Variants in CYP4V2 observed in about 807,000 individuals in gnomAD.
CYP4V2 encodes the protein cytochrome P450 4V2.
In CYP4V2, 55 loss-of-function variants were observed where a neutral mutation model predicts 60.8. The observed-to-expected ratio is 0.90, with a 90% confidence interval of 0.73 to 1.13. The LOEUF is 1.13. Among genes scored for constraint, CYP4V2 ranks in the 50% most tolerant of loss-of-function variants. The pLI is 0.00. For synonymous variants in CYP4V2, 239 were observed against 236.8 expected, an observed-to-expected ratio of 1.01 and a Z score of -0.08; for missense variants, 675 against 662.9, an observed-to-expected ratio of 1.02 and a Z score of -0.20.
At chr4:186,209,062 G>T (rs186281413) in intron 9 of CYP4V2, 31 bp from the exon 10 acceptor site, 51 of 1,614,110 alleles carry the variant, frequency 3.2e-5, no homozygotes, top group Non-Finnish European at 4.1e-5. Flanking sequence ...CCTTGCTCCG[G>T]TCTCATAATG....
chr4:186,207,423 AAAG>A (rs1209578110), intron 8 of CYP4V2, among the ~76,000 whole-genome samples: 3 of 127,090 alleles, frequency 2.4e-5, no homozygotes, highest in African/African-American at 4.3e-5. Context: ...AAAAAAAAAA[AAAG>A]AAAGAAAGAA....
chr4:186,207,855 T>C (rs1429139385), intron 8 of CYP4V2, among the ~76,000 whole-genome samples: 5 of 152,222 alleles, frequency 3.3e-5, no homozygotes, highest in Admixed American at 2.6e-4. Flanking sequence ...TGGATTTACC[T>C]ATTCCGAGTA....
chr4:186,203,970 T>C (rs1276160932), intron 7 of CYP4V2: 1 of 152,204 alleles, frequency 6.6e-6, no homozygotes, highest in African/African-American at 2.4e-5. Context: ...AGGAAATAAT[T>C]TGTTTTTTCT....
rs534643986 is a variant in CYP4V2 at position 186,194,599 on chromosome 4, C to T, written c.314C>T (p.Ala105Val). Residue 105 changes from alanine to valine, a missense_variant, in exon 2 of 11, where the codon GCA (alanine) becomes GTA (valine). Ala to Val is a moderately conservative substitution (Grantham distance 64). Transcript: ENST00000378802. ...GPVPMVALYN[A>V]ENVEVILTSS... ...GTGCCCATGGTGGCCCTTTATAATG[C>T]AGAAAATGTGGAGGTGGGTACATGT... 1 of 1,613,856 alleles carries T rather than the reference C, an allele frequency of 6.2e-7. No homozygotes were observed. The highest frequency in any genetic ancestry group is 1.7e-5 in the Admixed American group (1 of 60,014).
chr4:186,203,175 AC>A (rs767625874), intron 7 of CYP4V2: 8 of 151,558 alleles, frequency 5.3e-5, no homozygotes, highest in Non-Finnish European at 1.0e-4. Context: ...TATGTGCACA[AC>A]CCCATACACA....
chr4:186,208,584 G>A (rs1736602896), intron 8 of CYP4V2, among the ~76,000 whole-genome samples: 1 of 151,554 alleles, frequency 6.6e-6, no homozygotes, highest in Non-Finnish European at 1.5e-5. Context: ...TCTTTGAAGG[G>A]TATTTGATGG....
intron 5 of CYP4V2, 59 bp from the exon 6 acceptor site, chr4:186,198,898 G>A (rs950160125): frequency 1.2e-6 from 2 of 1,611,990 alleles, no homozygotes; most frequent in Non-Finnish European, 1.7e-6. Context: ...TACTAAAGAA[G>A]TGCTCAAGAA....
intron 1 of CYP4V2, among the ~76,000 whole-genome samples, chr4:186,192,511 T>C (rs1736020994): frequency 6.6e-6 from 1 of 152,216 alleles, no homozygotes; most frequent in African/African-American, 2.4e-5. Flanking sequence ...TGACTGCTGC[T>C]TCAGTTCCCG....
In CYP4V2 at chr4:186,210,522, C is replaced by T. The variant is rs747710403; in HGVS notation, c.1459C>T (p.His487Tyr). 3 of 1,614,184 alleles carry T rather than the reference C, an allele frequency of 1.9e-6. No individual in the cohort carries two copies. The East Asian group carries it at 6.7e-5, about 36-fold the overall frequency. ...GACCATTCTTTCGTGCATCCTGAGG[C>T]ACTTTTGGATAGAATCCAACCAGAA... ...EKTILSCILR[H>Y]FWIESNQKRE... Residue 487 changes from histidine (H) to tyrosine (Y), a missense_variant, in exon 11 of 11, where the codon CAC (histidine) becomes TAC (tyrosine). Coordinates refer to ENST00000378802, the MANE Select transcript of CYP4V2 (RefSeq NM_207352.4).
intron 7 of CYP4V2, chr4:186,204,757 T>A (rs745793722): frequency 5.2e-5 from 13 of 248,860 alleles, no homozygotes; most frequent in Non-Finnish European, 9.6e-5. Context: ...TGTCAATTTT[T>A]ACTGCAGAGG....
Position 186,191,966 on chromosome 4 carries a change from G to A in CYP4V2, c.143G>A (p.Arg48Gln). The A allele has an allele frequency of 6.3e-7, 1 of 1,586,764 alleles. No individual in the cohort carries two copies. The highest frequency in any genetic ancestry group is 2.3e-5 in the East Asian group (1 of 43,518). Residue 48 changes from arginine (R) to glutamine (Q), a missense_variant, in exon 1 of 11, where the codon CGG becomes CAG. Coordinates refer to ENST00000378802, the MANE Select transcript of CYP4V2 (RefSeq NM_207352.4). ...TACGCGCGGAAATGGCAGCAGATGC[G>A]GCCCATCCCCACGGTGGCCCGCGCC... ...ASYARKWQQMRPIPTVARAYP... is the reference protein window; with the variant it reads ...ASYARKWQQMQPIPTVARAYP...
intron 7 of CYP4V2, 143 bp from the exon 8 acceptor site, chr4:186,205,057 A>G (rs1421440642): frequency 2.5e-6 from 2 of 804,078 alleles, no homozygotes; most frequent in Non-Finnish European, 4.2e-6. Flanking sequence ...CACCGAGGCA[A>G]GGTGCTGCAC....
chr4:186,194,520 G>A lies in CYP4V2; in HGVS notation c.235G>A (p.Glu79Lys), dbSNP rs781047997. 3 of 1,614,102 alleles carry A rather than the reference G, an allele frequency of 1.9e-6. No homozygotes were observed. The highest frequency in any genetic ancestry group is 2.5e-6 in the Non-Finnish European group (3 of 1,180,002). ...CCCAGAATTTTTTCAGCAGATCATT[G>A]AGTACACAGAGGAATACCGCCACAT... ...DGREFFQQII[E>K]YTEEYRHMPL... The change falls in exon 2 of 11, where the codon GAG (glutamate) becomes AAG (lysine). Residue 79 changes from glutamate to lysine, a missense_variant. Coordinates refer to ENST00000378802, the MANE Select transcript of CYP4V2 (RefSeq NM_207352.4).
rs983256423 is a variant in CYP4V2 at position 186,191,898 on chromosome 4, C to T, written c.75C>T (p.Ala25=). ...LWGAASALSL[A]GASLVLSLLQ... ...GCGCGGCGAGTGCCCTTTCCCTGGC[C>T]GGCGCCAGTCTGGTCCTGAGCCTGC... The change falls in exon 1 of 11, where the codon GCC becomes GCT. Residue 25 remains alanine (A), a synonymous_variant. Coordinates refer to ENST00000378802, the MANE Select transcript of CYP4V2 (RefSeq NM_207352.4). 76 of 1,591,598 alleles carry T rather than the reference C, an allele frequency of 4.8e-5. No homozygotes were observed. The highest frequency in any genetic ancestry group is 6.1e-5 in the Non-Finnish European group (72 of 1,173,044).
chr4:186,191,740 G>T lies in CYP4V2; in HGVS notation c.-84G>T. ...GCCAGGTCCGCGCGGGGAAGTGGGC[G>T]GTGTGCGGCCGGCACCGCCTCGCAC... On this transcript the variant is annotated 5_prime_UTR_variant, in exon 1 of 11. Coordinates refer to ENST00000378802, the MANE Select transcript of CYP4V2 (RefSeq NM_207352.4). The T allele has an allele frequency of 8.0e-7, 1 of 1,248,454 alleles. No homozygotes were observed. The highest frequency in any genetic ancestry group is 1.0e-6 in the Non-Finnish European group (1 of 977,278). 77.3% of individuals were successfully genotyped at this position (1,248,454 alleles called of 1,614,324 possible).
intron 8 of CYP4V2, among the ~76,000 whole-genome samples, chr4:186,206,549 T>C (rs545243563): frequency 3.9e-5 from 6 of 152,118 alleles, no homozygotes; most frequent in Non-Finnish European, 8.8e-5. Context: ...TCTGATGCAG[T>C]TTTACAGTGA....
rs758103859 is a variant in CYP4V2, at chr4:186,195,986, GT to G, written c.328-12del. On this transcript the variant is annotated splice_polypyrimidine_tract_variant and intron_variant, in intron 2 of 10. Coordinates refer to ENST00000378802, the MANE Select transcript of CYP4V2 (RefSeq NM_207352.4). The surrounding 1 kb of genome is among the most constrained non-coding windows in gnomAD (Gnocchi z 4.1). Reference sequence around the variant, plus strand: ...TGATGTCTGTATGTCTCTAAAGTATGTTTTTCTCTTCCTAAGGTAATTTTAA... The same window carrying G: ...TGATGTCTGTATGTCTCTAAAGTATGTTTTCTCTTCCTAAGGTAATTTTAA... 2 of 1,573,838 alleles carry G rather than the reference GT, an allele frequency of 1.3e-6. No homozygotes were observed. The highest frequency in any genetic ancestry group is 1.4e-5 in the African/African-American group (1 of 74,016).
chr4:186,204,981 C>T (rs72646280), intron 7 of CYP4V2: 4 of 606,674 alleles, frequency 6.6e-6, no homozygotes, highest in Admixed American at 4.9e-5. Context: ...CGTGCAACAC[C>T]GTGCGGCGTG....
chr4:186,191,905 A>G lies in CYP4V2; in HGVS notation c.82A>G (p.Ser28Gly), dbSNP rs755702568. 1.3e-5 allele frequency: 21 copies of G among 1,593,082 alleles called. No homozygotes were observed. The East Asian group carries it at 2.0e-4, about 16-fold the overall frequency. ...GAGTGCCCTTTCCCTGGCCGGCGCCAGTCTGGTCCTGAGCCTGCTGCAGAG... is the reference window on the plus strand; with the variant it reads ...GAGTGCCCTTTCCCTGGCCGGCGCCGGTCTGGTCCTGAGCCTGCTGCAGAG... The part of the protein sequence containing the change: ...AASALSLAGA[S>G]LVLSLLQRVA... Residue 28 changes from serine (S) to glycine (G), a missense_variant, in exon 1 of 11, where the codon AGT becomes GGT. Ser to Gly is a moderately conservative substitution (Grantham distance 56). Transcript: ENST00000378802.
Sources: allele counts gnomAD v4.1 joint callset (sites outside exome capture counted in the v4.1 genomes callset), GRCh38; gene constraint gnomAD v4.1.1; non-coding constraint Gnocchi (gnomAD v3.1); transcripts MANE v1.5; gene names NCBI Gene and HGNC (gene_info 2026-07-23, HGNC 2026-07-21).